The following NAA20 variants were observed in gnomAD, a reference collection of about 807,000 sequenced individuals.
NAA20 encodes N-alpha-acetyltransferase 20.
NAA20 carries 24 observed loss-of-function variants against 23.8 expected under a neutral mutation model. The ratio of observed to expected loss-of-function variants is 1.01; its 90% CI spans 0.73 to 1.42. The LOEUF (loss-of-function observed/expected upper bound fraction) is 1.42, where lower values mean the gene tolerates loss of function less well. Among genes scored for constraint, NAA20 ranks in the 40% most tolerant of loss-of-function variants. The probability of loss-of-function intolerance (pLI) is 0.00; values close to 1 mark genes in which losing one functional copy is unlikely to be tolerated. For synonymous variants in NAA20, 83 were observed against 77.7 expected, an observed-to-expected ratio of 1.07 and a Z score of -0.36; for missense variants, 166 against 223.1, an observed-to-expected ratio of 0.74 and a Z score of 1.63.
At chr20:20,018,043 T>C in intron 1 of NAA20, 1 of 1,614,180 alleles carries the variant, frequency 6.2e-7, no homozygotes, top group Middle Eastern at 1.6e-4. Context: ...TCAGTCATGG[T>C]TAGTGTTTGC....
At chr20:20,018,017 T>G in intron 1 of NAA20, 1 of 1,614,248 alleles carries the variant, frequency 6.2e-7, no homozygotes, top group Non-Finnish European at 8.5e-7. Flanking sequence ...CTGCGTCCCC[T>G]GCAGCAGATG....
Position 20,017,468 on chromosome 20 carries a change from G to C in NAA20, c.53+19G>C, listed in dbSNP as rs1242375849. 2 of 1,601,594 alleles carry C rather than the reference G, an allele frequency of 1.2e-6. No homozygotes were observed. Among genetic ancestry groups the C allele is most frequent in the East Asian group, 4.6e-5 (2 of 43,684 alleles). ...ACAACATGTGAGTGACACGCGCCTAGGGCCAGCCGCTCTTGGCCGGGCCTC... is the reference window on the plus strand; with the variant it reads ...ACAACATGTGAGTGACACGCGCCTACGGCCAGCCGCTCTTGGCCGGGCCTC... On this transcript the variant is annotated intron_variant, in intron 1 of 5. Coordinates refer to ENST00000334982, the MANE Select transcript of NAA20 (RefSeq NM_016100.5).
intron 4 of NAA20, 148 bp from the exon 5 acceptor site, chr20:20,032,360 A>G: frequency 1.7e-6 from 1 of 598,146 alleles, no homozygotes; most frequent in Non-Finnish European, 2.6e-6. Context: ...AATTTCTATT[A>G]CCATGTAATC....
chr20:20,025,182 G>A (rs910188541), intron 2 of NAA20, among the ~76,000 whole-genome samples: 1 of 152,190 alleles, frequency 6.6e-6, no homozygotes, highest in Non-Finnish European at 1.5e-5. Context: ...AAGGACTTAG[G>A]TTGTAAAGTT....
Position 20,032,651 on chromosome 20 carries a change from A to G in NAA20, c.449A>G (p.Tyr150Cys). Reference protein sequence around the residue: ...ASNGEPDEDAYDMRKALSRDT... With the variant: ...ASNGEPDEDACDMRKALSRDT... ...AACGGGGAGCCTGATGAGGACGCTT[A>G]TGGTAAGCTCCCTTCCATGGCAGTA... is the stretch of plus-strand genomic sequence containing the variant. The change falls in exon 5 of 6, where the codon TAT (tyrosine) becomes TGT (cysteine). Residue 150 changes from tyrosine to cysteine, a missense_variant and splice_region_variant. Transcript: ENST00000334982. The G allele has an allele frequency of 6.3e-7, 1 of 1,597,372 alleles. No individual in the cohort carries two copies. Among genetic ancestry groups the G allele is most frequent in the Non-Finnish European group, 8.5e-7 (1 of 1,173,540 alleles).
intron 4 of NAA20, among the ~76,000 whole-genome samples, chr20:20,027,588 G>T (rs2043314469): frequency 6.6e-6 from 1 of 152,058 alleles, no homozygotes; most frequent in Non-Finnish European, 1.5e-5. Context: ...AATGTAGCAT[G>T]ATCTTACGTT....
intron 2 of NAA20, 85 bp from the exon 3 acceptor site, chr20:20,025,592 T>C: frequency 1.0e-6 from 1 of 984,140 alleles, no homozygotes; most frequent in Middle Eastern, 2.5e-4. Flanking sequence ...CAGTATACTT[T>C]TTAAAGGAAA....
At chr20:20,032,683 A>G (rs750293070) in intron 5 of NAA20, 30 bp downstream of exon 5, 10 of 1,546,618 alleles carry the variant, frequency 6.5e-6, no homozygotes, top group East Asian at 2.3e-5. Context: ...AGTATCCCCA[A>G]GAAGTCGAAA....
chr20:20,032,465 T>C, intron 4 of NAA20, 43 bp from the exon 5 acceptor site: 1 of 1,591,958 alleles, frequency 6.3e-7, no homozygotes, highest in Non-Finnish European at 8.6e-7. Context: ...TTTCTAGGGT[T>C]TCTCACATTC....
chr20:20,028,876 C>G (rs1476548302), intron 4 of NAA20, among the ~76,000 whole-genome samples: 1 of 152,140 alleles, frequency 6.6e-6, no homozygotes, highest in Non-Finnish European at 1.5e-5. Flanking sequence ...AGCCCAGAAT[C>G]CAAATATTGT....
At chr20:20,019,920 G>C (rs908524148) in intron 1 of NAA20, among the ~76,000 whole-genome samples, 10 of 152,096 alleles carry the variant, frequency 6.6e-5, no homozygotes, top group African/African-American at 2.2e-4. Context: ...TCTTTGATTA[G>C]GGCATTTTGG....
chr20:20,031,492 G>T (rs1195897147), intron 4 of NAA20, among the ~76,000 whole-genome samples: 4 of 152,052 alleles, frequency 2.6e-5, no homozygotes, highest in Non-Finnish European at 5.9e-5. Flanking sequence ...AATATAATAT[G>T]GCAGAGTGTC....
intron 2 of NAA20, among the ~76,000 whole-genome samples, chr20:20,024,678 G>A (rs1463331488): frequency 1.3e-5 from 2 of 152,148 alleles, no homozygotes; most frequent in Admixed American, 6.5e-5. Context: ...CCTAGAGGTC[G>A]ATGGGAGGGA....
intron 1 of NAA20, among the ~76,000 whole-genome samples, chr20:20,019,323 G>C (rs2043252513): frequency 6.6e-6 from 1 of 152,190 alleles, no homozygotes; most frequent in African/African-American, 2.4e-5. Context: ...GGAGGCCTTG[G>C]CAGTGGCCCA....
In NAA20 at chr20:20,022,445, G is replaced by A; in HGVS notation, c.54-11G>A. Reference sequence around the variant, plus strand: ...GCTGCTTACTAGAGACATTTCTCTTGTTTCTTTCAGTAACTTGGATCCACT... The same window carrying A: ...GCTGCTTACTAGAGACATTTCTCTTATTTCTTTCAGTAACTTGGATCCACT... On this transcript the variant is annotated splice_polypyrimidine_tract_variant and intron_variant, in intron 1 of 5. Coordinates refer to ENST00000334982, the MANE Select transcript of NAA20 (RefSeq NM_016100.5). 6.3e-7 allele frequency: 1 copy of A among 1,583,916 alleles called. No homozygotes were observed. Among genetic ancestry groups the A allele is most frequent in the Non-Finnish European group, 8.6e-7 (1 of 1,168,998 alleles).
In NAA20 at chr20:20,027,059, A is replaced by G. The variant is rs6046546; in HGVS notation, c.305+140A>G. Reference sequence around the variant, plus strand: ...CTCCAGTAGTCCTTAGAACAATTCTATCACATAGTCAAAGTGATATTGTTT... The same window carrying G: ...CTCCAGTAGTCCTTAGAACAATTCTGTCACATAGTCAAAGTGATATTGTTT... On this transcript the variant is annotated intron_variant, in intron 4 of 5. Transcript: ENST00000334982. 3,798 of 1,206,186 alleles carry G rather than the reference A, an allele frequency of 3.1e-3. 83 individuals carry two copies. The African/African-American group carries it at 0.048, about 15-fold the overall frequency. 74.7% of individuals were successfully genotyped at this position (1,206,186 alleles called of 1,614,324 possible). A position where few individuals can be genotyped will look rare whatever the true frequency, so the allele number is the denominator to read the frequency against.
chr20:20,021,639 A>G (rs1386461830), intron 1 of NAA20, among the ~76,000 whole-genome samples: 1 of 152,228 alleles, frequency 6.6e-6, no homozygotes, highest in Non-Finnish European at 1.5e-5. Flanking sequence ...TTTTTAGCGT[A>G]AAGGAGTTCT....
chr20:20,021,345 G>A (rs1054151202), intron 1 of NAA20, among the ~76,000 whole-genome samples: 1 of 152,166 alleles, frequency 6.6e-6, no homozygotes, highest in Non-Finnish European at 1.5e-5. Flanking sequence ...TCCCTCACAA[G>A]TAGACAGTGG....
Position 20,025,734 on chromosome 20 carries a change from G to T in NAA20, c.136G>T (p.Ala46Ser). The change falls in exon 3 of 6, where the codon GCA (alanine) becomes TCA (serine). Residue 46 changes from alanine to serine, a missense_variant. Ala to Ser is a moderately conservative substitution (Grantham distance 99). Transcript: ENST00000334982. ...LAHWPEYFIV[A>S]EAPGGELMGY... is the part of the protein sequence containing the mutation. ...CCACTGGCCAGAGTATTTCATTGTT[G>T]CAGAGGCACCTGGTGGAGAATTAAT... 6.2e-7 allele frequency: 1 copy of T among 1,611,116 alleles called. No individual in the cohort carries two copies.
Sources: allele counts gnomAD v4.1 joint callset (sites outside exome capture counted in the v4.1 genomes callset), GRCh38; gene constraint gnomAD v4.1.1; transcripts MANE v1.5; gene names NCBI Gene and HGNC (gene_info 2026-07-23, HGNC 2026-07-21).